The following AGBL4 variants were observed in gnomAD, a reference collection of about 807,000 sequenced individuals.
AGBL4 encodes the protein AGBL carboxypeptidase 4.
Under a neutral mutation model 66.4 loss-of-function variants are expected in AGBL4, and 58 were observed. The ratio of observed to expected loss-of-function variants is 0.87; its 90% CI spans 0.71 to 1.09. The LOEUF (loss-of-function observed/expected upper bound fraction) is 1.09, where lower values mean the gene tolerates loss of function less well. Ranked by LOEUF, AGBL4 falls within the 50% of genes least tolerant of loss-of-function variation. The pLI, the probability that AGBL4 is intolerant of heterozygous loss-of-function variation, is 0.00. For missense variants in AGBL4, 579 were observed against 631.0 expected (o/e 0.92, Z 0.88); for synonymous variants, 234 against 222.9 (o/e 1.05, Z -0.44).
At chr1:49,148,408 A>G (rs1646260973) in intron 4 of AGBL4, among the ~76,000 whole-genome samples, 1 of 151,904 alleles carries the variant, frequency 6.6e-6, no homozygotes, top group Admixed American at 6.6e-5. Flanking sequence ...TCAACACCCT[A>G]CCTACCTATT....
chr1:49,983,575 CA>C (rs1369525042), intron 1 of AGBL4, among the ~76,000 whole-genome samples: 1 of 152,110 alleles, frequency 6.6e-6, no homozygotes, highest in Non-Finnish European at 1.5e-5. Flanking sequence ...TTTGCTTGGC[CA>C]AAAAAACTCA....
intron 9 of AGBL4, among the ~76,000 whole-genome samples, chr1:48,605,626 A>G (rs1423889737): frequency 6.6e-6 from 1 of 152,190 alleles, no homozygotes; most frequent in Non-Finnish European, 1.5e-5. Context: ...ACTCCTCAGG[A>G]CCTGAAATCA....
chr1:49,050,815 AATCCTCAGC>A (rs532523186), intron 4 of AGBL4, among the ~76,000 whole-genome samples: 96 of 152,156 alleles, frequency 6.3e-4, no homozygotes, highest in East Asian at 5.6e-3. Flanking sequence ...TTTACCTCAA[AATCCTCAGC>A]ATTAGTACAA....
chr1:49,034,555 A>G (rs2149040182), intron 5 of AGBL4, among the ~76,000 whole-genome samples: 1 of 152,094 alleles, frequency 6.6e-6, no homozygotes, highest in East Asian at 1.9e-4. Flanking sequence ...TCCCTACCCA[A>G]CTCTCACCTG....
intron 6 of AGBL4, among the ~76,000 whole-genome samples, chr1:48,842,096 A>T (rs2148797445): frequency 6.6e-6 from 1 of 152,296 alleles, no homozygotes; most frequent in Non-Finnish European, 1.5e-5. Context: ...TAGAGGAGGC[A>T]TCTGGGAGCT....
chr1:49,019,966 A>G (rs1663117884), intron 5 of AGBL4, among the ~76,000 whole-genome samples: 1 of 152,232 alleles, frequency 6.6e-6, no homozygotes, highest in Admixed American at 6.5e-5. Flanking sequence ...CTAGTGCCAT[A>G]TGTGGCACAT....
intron 5 of AGBL4, among the ~76,000 whole-genome samples, chr1:48,870,330 G>A (rs1054302135): frequency 1.3e-5 from 2 of 151,968 alleles, no homozygotes; most frequent in Non-Finnish European, 2.9e-5. Context: ...AAAGTATCAT[G>A]TACCGTCTTC....
rs557382428 is a variant in AGBL4 at position 49,987,132 on chromosome 1, T to A, written c.34+36631A>T. 2.3e-4 allele frequency among the ~76,000 whole-genome samples: 35 copies of A among 152,222 alleles called. 1 individual carries two copies. The highest frequency in any genetic ancestry group is 7.5e-4 in the African/African-American group (31 of 41,576). ...TAAAAAACATCAGCATATACTAGCA[T>A]GACTGCCAACTATATTTAATGCTTT... On this transcript the variant is annotated intron_variant, in intron 1 of 13. Coordinates refer to ENST00000371839, the MANE Select transcript of AGBL4 (RefSeq NM_032785.4).
intron 1 of AGBL4, among the ~76,000 whole-genome samples, chr1:49,962,344 G>A (rs1657187570): frequency 6.6e-6 from 1 of 152,010 alleles, no homozygotes; most frequent in African/African-American, 2.4e-5. Flanking sequence ...ATTTACCGTG[G>A]TAGTTTTAAA....
intron 2 of AGBL4, among the ~76,000 whole-genome samples, chr1:49,745,677 CA>C (rs1472859247): frequency 1.3e-5 from 2 of 151,740 alleles, no homozygotes; most frequent in Non-Finnish European, 2.9e-5. Flanking sequence ...TATAAATGGT[CA>C]ATCCATCAGG....
intron 3 of AGBL4, among the ~76,000 whole-genome samples, chr1:49,285,846 T>C (rs1644393678): frequency 6.6e-6 from 1 of 152,184 alleles, no homozygotes; most frequent in East Asian, 1.9e-4. Context: ...GAGGGAATCC[T>C]CCCTAACTCA....
At chr1:49,682,288 C>T (rs1646709841) in intron 3 of AGBL4, among the ~76,000 whole-genome samples, 1 of 151,988 alleles carries the variant, frequency 6.6e-6, no homozygotes, top group Non-Finnish European at 1.5e-5. Flanking sequence ...CGCTTGTAGT[C>T]CCAGGTACAG....
At chr1:49,560,120 C>T (rs959705687) in intron 3 of AGBL4, among the ~76,000 whole-genome samples, 29 of 152,028 alleles carry the variant, frequency 1.9e-4, no homozygotes, top group African/African-American at 7.0e-4. Context: ...CATGACCTCA[C>T]CAAATGAACT....
At chr1:48,690,866 C>T (rs1248910780) in intron 6 of AGBL4, among the ~76,000 whole-genome samples, 3 of 152,066 alleles carry the variant, frequency 2.0e-5, no homozygotes, top group Non-Finnish European at 4.4e-5. Flanking sequence ...GTGAAGTTAA[C>T]TTTAATATAT....
At chr1:49,021,851 T>A (rs567848606) in intron 5 of AGBL4, among the ~76,000 whole-genome samples, 2 of 152,264 alleles carry the variant, frequency 1.3e-5, no homozygotes, top group African/African-American at 4.8e-5. Context: ...AAATAGGGTG[T>A]TAGAAGACTT....
At chr1:48,891,783 A>G (rs1650997696) in intron 5 of AGBL4, among the ~76,000 whole-genome samples, 1 of 152,176 alleles carries the variant, frequency 6.6e-6, no homozygotes, top group Admixed American at 6.5e-5. Context: ...TTCCCTGCCC[A>G]TGGAGCTCAT....
At chr1:49,250,532 C>T (rs748063548) in intron 3 of AGBL4, among the ~76,000 whole-genome samples, 5 of 151,458 alleles carry the variant, frequency 3.3e-5, no homozygotes, top group Non-Finnish European at 7.4e-5. Flanking sequence ...CAACCTCCAC[C>T]TCCTGGGTTC....
At position 49,194,278 on chromosome 1, in the gene AGBL4, CTT is replaced by C. The variant is rs11296732; in HGVS notation, c.377+51490_377+51491del. The stretch of plus-strand genomic sequence containing the variant: ...ATCATTATATACTGACCTTTCTTGT[CTT>C]TTTTTTTACCATTTTTGATTTACAG... On this transcript the variant is annotated intron_variant, in intron 4 of 13. Transcript: ENST00000371839. Among the ~76,000 whole-genome samples, 11 of 151,832 alleles carry C rather than the reference CTT, an allele frequency of 7.2e-5. No individual in the cohort carries two copies. The East Asian group carries it at 1.4e-3, about 19-fold the overall frequency.
At chr1:49,290,583 G>A (rs1021230057) in intron 3 of AGBL4, among the ~76,000 whole-genome samples, 3 of 152,152 alleles carry the variant, frequency 2.0e-5, no homozygotes, top group Non-Finnish European at 4.4e-5. Context: ...ATATATCAAA[G>A]TACTATAGCT....
Sources: allele counts gnomAD v4.1 joint callset (sites outside exome capture counted in the v4.1 genomes callset), GRCh38; gene constraint gnomAD v4.1.1; transcripts MANE v1.5; gene names NCBI Gene and HGNC (gene_info 2026-07-23, HGNC 2026-07-21).